Variants in ZNF585B observed in about 807,000 individuals in gnomAD.
The protein encoded by ZNF585B is zinc finger protein 41-like protein.
A neutral mutation model predicts 14.0 loss-of-function variants in ZNF585B; 7 were observed. The observed-to-expected ratio is 0.50, with a 90% confidence interval of 0.28 to 0.94. The LOEUF is 0.94. ZNF585B is among the 40% of genes least tolerant of loss of function. The probability of loss-of-function intolerance (pLI) is 0.09; values close to 1 mark genes in which losing one functional copy is unlikely to be tolerated. For synonymous variants in ZNF585B, 290 were observed against 317.3 expected (o/e 0.91, Z 0.91); for missense variants, 750 against 924.4 (o/e 0.81, Z 2.45).
intron 2 of ZNF585B, among the ~76,000 whole-genome samples, chr19:37,195,483 G>A: frequency 6.7e-6 from 1 of 149,642 alleles, no homozygotes; most frequent in Admixed American, 6.7e-5. Flanking sequence ...TAGTCAACTA[G>A]ACTGATGAAA....
At chr19:37,194,205 A>G (rs1972435114) in intron 2 of ZNF585B, among the ~76,000 whole-genome samples, 1 of 152,230 alleles carries the variant, frequency 6.6e-6, no homozygotes, top group Admixed American at 6.5e-5. Context: ...TTTTGTATAT[A>G]TTTAAATTTT....
chr19:37,187,391 G>T, intron 4 of ZNF585B, 147 bp from the exon 5 acceptor site: 2 of 603,760 alleles, frequency 3.3e-6, no homozygotes, highest in Non-Finnish European at 5.5e-6. Flanking sequence ...ACACTGATAG[G>T]GTTTTTAGGG....
Position 37,190,038 on chromosome 19 carries a change from T to C in ZNF585B, c.185A>G (p.His62Arg), listed in dbSNP as rs758106201. The change falls in exon 3 of 5, where the codon CAC (histidine) becomes CGC (arginine). Residue 62 changes from histidine (H) to arginine (R), a missense_variant. This residue lies in a region of ZNF585B where 517 missense variants were observed against 570.3 expected (regional missense o/e 0.91). Transcript: ENST00000532828. The part of the protein sequence containing the change: ...YRDVMLETYS[H>R]LLSVGYQVPK... ...ACTGTGCTTACCTACTGAGAGCAGG[T>C]GGCTGTAGGTCTCCAGCATCACATC... 10 of 1,614,004 alleles carry C rather than the reference T, an allele frequency of 6.2e-6. No individual in the cohort carries two copies. In the East Asian group the frequency reaches 1.1e-4, roughly 18 times the overall value.
intron 1 of ZNF585B, among the ~76,000 whole-genome samples, chr19:37,207,588 T>C (rs538866794): frequency 6.6e-6 from 1 of 152,312 alleles, no homozygotes; most frequent in Non-Finnish European, 1.5e-5. Context: ...TACTGCAGAT[T>C]TGAACTGCAG....
At chr19:37,200,279 C>A (rs151234187) in intron 2 of ZNF585B, among the ~76,000 whole-genome samples, 1 of 151,456 alleles carries the variant, frequency 6.6e-6, no homozygotes, top group Admixed American at 6.6e-5. Context: ...AGGCCAGGCA[C>A]GGTGGCTCAC....
intron 4 of ZNF585B, among the ~76,000 whole-genome samples, 158 bp from the exon 5 acceptor site, chr19:37,187,402 G>A: frequency 6.6e-6 from 1 of 151,914 alleles, no homozygotes; most frequent in Middle Eastern, 3.2e-3. Context: ...GTTTTTAGGG[G>A]GATGTAAAAT....
chr19:37,193,800 A>AG (rs1240759668), intron 2 of ZNF585B, among the ~76,000 whole-genome samples: 2 of 152,174 alleles, frequency 1.3e-5, no homozygotes, highest in Non-Finnish European at 2.9e-5. Flanking sequence ...ATAAAACTTA[A>AG]AAAGTAAGAG....
chr19:37,193,224 C>G (rs557559808), intron 2 of ZNF585B, among the ~76,000 whole-genome samples: 1 of 152,072 alleles, frequency 6.6e-6, no homozygotes, highest in Non-Finnish European at 1.5e-5. Flanking sequence ...GTAATCCCAG[C>G]ACTTTGGGAG....
intron 2 of ZNF585B, 81 bp downstream of exon 2, chr19:37,206,959 T>C (rs532079985): frequency 4.2e-5 from 66 of 1,566,716 alleles, no homozygotes; most frequent in Middle Eastern, 2.3e-4. Flanking sequence ...CCTGTCTGCC[T>C]CTGCCCTAAG....
rs1972303712 is a variant in ZNF585B, at chr19:37,184,458, AAGAAAGAAAG to A, written c.*759_*768del. 9.0e-6 allele frequency: 1 copy of A among 110,556 alleles called. No individual in the cohort carries two copies. The highest frequency in any genetic ancestry group is 2.9e-4 in the South Asian group (1 of 3,456). The allele number at this position is 110,556 out of a possible 1,614,324, so 6.8% of individuals were successfully genotyped here. A position where few individuals can be genotyped will look rare whatever the true frequency, so the allele number is the denominator to read the frequency against. ...AAAGAAAGAAGGAAAGAAAGAAAGA[AAGAAAGAAAG>A]AAAGAAAGAAAGAAAGAAAGAAAGA... is the stretch of plus-strand genomic sequence containing the variant. On this transcript the variant is annotated 3_prime_UTR_variant, in exon 5 of 5. Coordinates refer to ENST00000532828, the MANE Select transcript of ZNF585B (RefSeq NM_152279.4).
chr19:37,200,783 A>G (rs150305484), intron 2 of ZNF585B, among the ~76,000 whole-genome samples: 295 of 151,758 alleles, frequency 1.9e-3, no homozygotes, highest in African/African-American at 6.8e-3. Context: ...TAAAGCCGCC[A>G]CTAAAAGAAC....
In ZNF585B at chr19:37,186,793, G is replaced by T. The variant is rs747810234; in HGVS notation, c.744C>A (p.Gly248=). ...GERHHECTDC[G]KAFTQKSTLK... is the part of the protein sequence containing the mutation. Reference sequence around the variant, plus strand: ...GTGTGGACTTTTGTGTGAACGCTTTGCCACAGTCAGTGCATTCATGGTGTC... The same window carrying T: ...GTGTGGACTTTTGTGTGAACGCTTTTCCACAGTCAGTGCATTCATGGTGTC... The change falls in exon 5 of 5, where the codon GGC becomes GGA. Residue 248 remains glycine, a synonymous_variant. Transcript: ENST00000532828. 6.2e-7 allele frequency: 1 copy of T among 1,614,074 alleles called. No individual in the cohort carries two copies. Among genetic ancestry groups the T allele is most frequent in the Admixed American group, 1.7e-5 (1 of 60,018 alleles).
chr19:37,205,050 A>G (rs1054526117), intron 2 of ZNF585B, among the ~76,000 whole-genome samples: 5 of 151,946 alleles, frequency 3.3e-5, no homozygotes, highest in Non-Finnish European at 7.4e-5. Flanking sequence ...ACCAGGCCCA[A>G]ACTAATTTTT....
At chr19:37,189,030 C>T (rs1299996458) in intron 4 of ZNF585B, among the ~76,000 whole-genome samples, 1 of 151,952 alleles carries the variant, frequency 6.6e-6, no homozygotes, top group East Asian at 1.9e-4. Context: ...CTTCACTTCC[C>T]GGGTTCAAGT....
intron 2 of ZNF585B, among the ~76,000 whole-genome samples, chr19:37,200,547 C>T (rs1442146468): frequency 9.7e-6 from 1 of 103,424 alleles, no homozygotes; most frequent in Non-Finnish European, 1.9e-5. Context: ...AAGATTCTGT[C>T]TCAAAAAAAA....
At position 37,206,917 on chromosome 19, in the gene ZNF585B, CA is replaced by C. The variant is rs1972592668; in HGVS notation, c.72+122del. On this transcript the variant is annotated intron_variant, in intron 2 of 4. Transcript: ENST00000532828. The stretch of plus-strand genomic sequence containing the variant: ...GGAAGATCAAGTTTTCTTTCAGGAG[CA>C]CCAAGTCTAGAGTCCAGCTGGTTCC... 2.1e-5 allele frequency: 26 copies of C among 1,223,388 alleles called. No individual in the cohort carries two copies. In the South Asian group the frequency reaches 3.5e-4, roughly 17 times the overall value. The allele number at this position is 1,223,388 out of a possible 1,614,324, so 75.8% of individuals were successfully genotyped here.
At chr19:37,201,089 CAAA>C (rs34379718) in intron 2 of ZNF585B, among the ~76,000 whole-genome samples, 3 of 106,664 alleles carry the variant, frequency 2.8e-5, no homozygotes, top group African/African-American at 3.3e-5. Flanking sequence ...GACTCCGTCT[CAAA>C]AAAAAAAAAA....
chr19:37,199,413 T>C, intron 2 of ZNF585B: 1 of 426,078 alleles, frequency 2.3e-6, no homozygotes, highest in Non-Finnish European at 4.6e-6. Context: ...TAGTCCCAGC[T>C]ACTCGGCAGG....
In ZNF585B at chr19:37,181,682, A is replaced by G. The variant is rs988836896; in HGVS notation, c.*3545T>C. On this transcript the variant is annotated 3_prime_UTR_variant, in exon 5 of 5. Transcript: ENST00000532828. ...AGTCATGGTACTTCCAGACAATAGCATATTATTCAATGAGAAAAAAAAAAA... is the reference window on the plus strand; with the variant it reads ...AGTCATGGTACTTCCAGACAATAGCGTATTATTCAATGAGAAAAAAAAAAA... 3 of 151,178 alleles carry G rather than the reference A, an allele frequency of 2.0e-5. No individual in the cohort carries two copies. Among genetic ancestry groups the G allele is most frequent in the Non-Finnish European group, 4.4e-5 (3 of 67,890 alleles). 9.4% of individuals were successfully genotyped at this position (151,178 alleles called of 1,614,324 possible).
Sources: gnomAD v4.1 joint callset for allele counts (sites outside exome capture counted in the v4.1 genomes callset) on GRCh38, gnomAD v4.1.1 for gene constraint, gnomAD v4.1.1 regional missense constraint, MANE v1.5 for transcripts, NCBI Gene and HGNC (gene_info 2026-07-23, HGNC 2026-07-21) for gene names.